Variants in WNT10A observed in about 807,000 individuals in gnomAD.
The protein encoded by WNT10A is protein Wnt-10a.
In WNT10A, 37 loss-of-function variants were observed where a neutral mutation model predicts 36.1. That is an observed-to-expected ratio of 1.02 (90% confidence interval 0.79 to 1.35). The LOEUF (loss-of-function observed/expected upper bound fraction) is 1.35, where lower values mean the gene tolerates loss of function less well. Ranked by LOEUF, WNT10A falls within the 40% of genes most tolerant of loss-of-function variation. WNT10A has a pLI of 0.00. For missense variants in WNT10A, 613 were observed against 601.4 expected (o/e 1.02, Z -0.20); for synonymous variants, 255 against 254.1 (o/e 1.00, Z -0.03).
rs898393511 is a variant in WNT10A, at chr2:218,892,923, G to T, written c.906G>T (p.Pro302=). The T allele has an allele frequency of 1.1e-5, 16 of 1,498,516 alleles. No homozygotes were observed. The highest frequency in any genetic ancestry group is 1.4e-5 in the African/African-American group (1 of 69,462). The allele number at this position is 1,498,516 out of a possible 1,614,324, so 92.8% of individuals were successfully genotyped here. The change falls in exon 4 of 4, where the codon CCG becomes CCT. Residue 302 remains proline (P), a synonymous_variant. Transcript: ENST00000258411. ...SRFHRATLIR[P]HNRNGGQLEP... ...TCCACCGCGCCACGCTCATCCGGCC[G>T]CACAACCGCAACGGCGGCCAGCTGG...
At chr2:218,886,487 T>G (rs978744437) in intron 2 of WNT10A, among the ~76,000 whole-genome samples, 4 of 147,146 alleles carry the variant, frequency 2.7e-5, no homozygotes, top group Non-Finnish European at 4.5e-5. Context: ...TCCCCTACCC[T>G]CCAAACCTCC....
Position 218,880,963 on chromosome 2 carries a change from C to T in WNT10A, c.-33C>T. 1 of 1,548,170 alleles carries T rather than the reference C, an allele frequency of 6.5e-7. No homozygotes were observed. Among genetic ancestry groups the T allele is most frequent in the Non-Finnish European group, 8.7e-7 (1 of 1,146,286 alleles). On this transcript the variant is annotated 5_prime_UTR_variant, in exon 1 of 4. Transcript: ENST00000258411. The surrounding 1 kb of genome is among the most constrained non-coding windows in gnomAD (Gnocchi z 7.7). ...TCTCCAGTCCCACTGGGCTGTGAGC[C>T]CCCCACTCCCAGCCCGTCAGGGCCT...
upstream of WNT10A, chr2:218,880,632 G>T: frequency 4.3e-6 from 1 of 232,048 alleles, no homozygotes; most frequent in South Asian, 7.1e-5. This position sits in a 1 kb window ranked among gnomAD's most constrained non-coding sequence, Gnocchi z 7.7. Flanking sequence ...CCGGCGCTGC[G>T]CTGGAGGGTT....
At chr2:218,876,958 G>A (rs1397029843), upstream of WNT10A, among the ~76,000 whole-genome samples, 2 of 152,188 alleles carry the variant, frequency 1.3e-5, no homozygotes, top group African/African-American at 4.8e-5. Context: ...GTTCCAGACT[G>A]TCTGGGACGT....
At chr2:218,876,630 A>G (rs764096491), upstream of WNT10A, among the ~76,000 whole-genome samples, 1 of 152,214 alleles carries the variant, frequency 6.6e-6, no homozygotes, top group Admixed American at 6.5e-5. Flanking sequence ...ACCAAAGGAG[A>G]CAGTGGAAAT....
intron 2 of WNT10A, among the ~76,000 whole-genome samples, chr2:218,885,566 C>T (rs918360489): frequency 1.3e-5 from 2 of 152,158 alleles, no homozygotes; most frequent in Non-Finnish European, 2.9e-5. Flanking sequence ...CTGGGAACTC[C>T]CACACAGTTT....
intron 2 of WNT10A, among the ~76,000 whole-genome samples, chr2:218,886,715 C>G (rs543927370): frequency 1.0e-4 from 15 of 150,158 alleles, no homozygotes; most frequent in Middle Eastern, 3.4e-3. Context: ...CCAGATGGCA[C>G]AGTGCCTGTG....
intron 2 of WNT10A, chr2:218,883,964 C>T (rs559289991): frequency 6.6e-6 from 1 of 152,426 alleles, no homozygotes; most frequent in African/African-American, 2.4e-5. Context: ...TCCGCGCTGC[C>T]CGCAGCCGCG....
chr2:218,877,411 T>G (rs1049663157), upstream of WNT10A, among the ~76,000 whole-genome samples: 2 of 152,152 alleles, frequency 1.3e-5, no homozygotes, highest in Non-Finnish European at 2.9e-5. The surrounding 1 kb of genome is among the most constrained non-coding windows in gnomAD (Gnocchi z 4.1). Flanking sequence ...CTTCTAGCCT[T>G]ATCTTCTTTG....
intron 2 of WNT10A, among the ~76,000 whole-genome samples, chr2:218,885,564 T>A (rs1368927743): frequency 2.0e-5 from 3 of 152,134 alleles, no homozygotes; most frequent in Admixed American, 2.0e-4. Context: ...CCCTGGGAAC[T>A]CCCACACAGT....
intron 1 of WNT10A, among the ~76,000 whole-genome samples, chr2:218,881,679 CAT>C (rs528604165): frequency 7.9e-5 from 12 of 152,210 alleles, no homozygotes; most frequent in South Asian, 4.1e-4. Flanking sequence ...AAGATGAACA[CAT>C]GTGTAAATGG....
chr2:218,889,831 G>C, intron 2 of WNT10A, among the ~76,000 whole-genome samples, 153 bp from the exon 3 acceptor site: 1 of 152,210 alleles, frequency 6.6e-6, no homozygotes. Flanking sequence ...GGCTTCTGGC[G>C]TGATTTCTGC....
upstream of WNT10A, among the ~76,000 whole-genome samples, chr2:218,877,614 G>T (rs145760378): frequency 4.6e-5 from 7 of 152,306 alleles, no homozygotes; most frequent in Non-Finnish European, 7.4e-5. The surrounding 1 kb of genome is among the most constrained non-coding windows in gnomAD (Gnocchi z 4.1). Context: ...AGGCACCCCA[G>T]ATGTGTGTGT....
the WNT10A span, among the ~76,000 whole-genome samples, chr2:218,875,087 T>A: frequency 6.7e-6 from 1 of 149,128 alleles, no homozygotes; most frequent in Non-Finnish European, 1.5e-5. Context: ...ATTCTCTCCA[T>A]GTGGCTAACC....
chr2:218,889,569 C>T (rs191464176), intron 2 of WNT10A, among the ~76,000 whole-genome samples: 47 of 152,336 alleles, frequency 3.1e-4, no homozygotes, highest in African/African-American at 1.0e-3. Flanking sequence ...AATTCTTTAG[C>T]TTAAATGTTG....
At chr2:218,885,199 C>G (rs922565278) in intron 2 of WNT10A, among the ~76,000 whole-genome samples, 3 of 152,094 alleles carry the variant, frequency 2.0e-5, no homozygotes, top group Admixed American at 2.0e-4. Flanking sequence ...CAGGGGCCTC[C>G]CGTGGGAATA....
Position 218,882,402 on chromosome 2 carries a change from G to T in WNT10A, c.355G>T (p.Glu119Ter). ...SLETRNKIPY[E>*]SPIFSRGFRE... ...GGAGACTCGCAACAAGATCCCCTAT[G>T]AGAGTCCCATCTTCAGCAGAGGTAG... Residue 119 changes from glutamate to a stop codon, truncating the protein, a stop_gained, in exon 2 of 4, where the codon GAG becomes TAG. Coordinates refer to ENST00000258411, the MANE Select transcript of WNT10A (RefSeq NM_025216.3). LOFTEE classifies it high-confidence loss of function. 6.2e-7 allele frequency: 1 copy of T among 1,614,120 alleles called. No homozygotes were observed. Among genetic ancestry groups the T allele is most frequent in the South Asian group, 1.1e-5 (1 of 91,080 alleles).
chr2:218,878,015 C>T (rs1944468586), upstream of WNT10A, among the ~76,000 whole-genome samples: 1 of 152,182 alleles, frequency 6.6e-6, no homozygotes, highest in South Asian at 2.1e-4. This position sits in a 1 kb window ranked among gnomAD's most constrained non-coding sequence, Gnocchi z 4.1. Flanking sequence ...CCAGAGCTGC[C>T]ACAGCTGGAA....
Position 218,892,874 on chromosome 2 carries a change from TG to T in WNT10A, c.862del (p.Ala288ArgfsTer150). On this transcript the variant is annotated frameshift_variant, in exon 4 of 4. Transcript: ENST00000258411. LOFTEE classifies it high-confidence loss of function. Reference sequence around the variant, plus strand: ...CAGGTGACGCCCGAGTTCCGCACCGTGGGGGCGCTGCTGCGCAGCCGCTTCC... The same window carrying T: ...CAGGTGACGCCCGAGTTCCGCACCGTGGGGCGCTGCTGCGCAGCCGCTTCC... ...CWQVTPEFRT[V>X]GALLRSRFHR... is the part of the protein sequence containing the mutation. 1.3e-6 allele frequency: 2 copies of T among 1,575,016 alleles called. No homozygotes were observed. The highest frequency in any genetic ancestry group is 8.6e-7 in the Non-Finnish European group (1 of 1,162,954).
Sources: allele counts gnomAD v4.1 joint callset (sites outside exome capture counted in the v4.1 genomes callset), GRCh38; gene constraint gnomAD v4.1.1; non-coding constraint Gnocchi (gnomAD v3.1); transcripts MANE v1.5; gene names NCBI Gene and HGNC (gene_info 2026-07-23, HGNC 2026-07-21).